The following RPTOR variants were observed in gnomAD, a reference collection of about 807,000 sequenced individuals.
The protein encoded by RPTOR is regulatory-associated protein of mTOR.
Under a neutral mutation model 169.9 loss-of-function variants are expected in RPTOR, and 21 were observed. That is an observed-to-expected ratio of 0.12 (90% CI 0.09 to 0.18). The LOEUF (loss-of-function observed/expected upper bound fraction) is 0.18, where lower values mean the gene tolerates loss of function less well. Among genes scored for constraint, RPTOR ranks in the 10% least tolerant of loss-of-function variants. The pLI is 1.00. For missense variants in RPTOR, 1,133 were observed against 1,855.9 expected (o/e 0.61, Z 7.16); for synonymous variants, 732 against 753.2 (o/e 0.97, Z 0.46).
chr17:80,744,432 G>A (rs1359042212), intron 5 of RPTOR, among the ~76,000 whole-genome samples: 1 of 99,696 alleles, frequency 1.0e-5, no homozygotes, highest in Non-Finnish European at 2.1e-5. Flanking sequence ...TACTAGCACA[G>A]CCCTGGCTAC....
chr17:80,820,261 G>A lies in RPTOR; in HGVS notation c.891-1940G>A, dbSNP rs185582494. On this transcript the variant is annotated intron_variant, in intron 7 of 33. Coordinates refer to ENST00000306801, the MANE Select transcript of RPTOR (RefSeq NM_020761.3). The surrounding 1 kb of genome is among the most constrained non-coding windows in gnomAD (Gnocchi z 4.1). ...AGCTTGAAAGAGGCGGTGTTTTTGC[G>A]GAACAGTTATTGACGATCTTGTCAG... Among the ~76,000 whole-genome samples, 197 of 152,020 alleles carry A rather than the reference G, an allele frequency of 1.3e-3. No individual in the cohort carries two copies. Among genetic ancestry groups the A allele is most frequent in the African/African-American group, 4.4e-3 (184 of 41,448 alleles).
At chr17:80,906,709 G>A (rs563878402) in intron 20 of RPTOR, among the ~76,000 whole-genome samples, 7 of 152,168 alleles carry the variant, frequency 4.6e-5, no homozygotes, top group East Asian at 1.9e-4. Flanking sequence ...CATGATTCAC[G>A]CCAGCACAGG....
chr17:80,945,101 C>T (rs1033719168), intron 25 of RPTOR, among the ~76,000 whole-genome samples: 1 of 151,378 alleles, frequency 6.6e-6, no homozygotes, highest in Non-Finnish European at 1.5e-5. Context: ...TGAGACTACC[C>T]CGGGCAACAC....
At chr17:80,772,915 G>A (rs1304945384) in intron 6 of RPTOR, among the ~76,000 whole-genome samples, 1 of 152,190 alleles carries the variant, frequency 6.6e-6, no homozygotes, top group Non-Finnish European at 1.5e-5. Context: ...TACAGGGGCA[G>A]AGCCAGGGCT....
chr17:80,827,028 G>A (rs542316012), intron 9 of RPTOR, among the ~76,000 whole-genome samples: 3 of 152,352 alleles, frequency 2.0e-5, no homozygotes, highest in Admixed American at 6.5e-5. Flanking sequence ...AGGAAGAGGC[G>A]AGCAGGAGTG....
At chr17:80,565,111 G>A (rs761558330) in intron 1 of RPTOR, among the ~76,000 whole-genome samples, 1 of 152,182 alleles carries the variant, frequency 6.6e-6, no homozygotes, top group Admixed American at 6.5e-5. Context: ...ATGGTAGAAG[G>A]ATTTCTAGCT....
chr17:80,696,148 G>C (rs2066034476), intron 3 of RPTOR, among the ~76,000 whole-genome samples: 1 of 152,080 alleles, frequency 6.6e-6, no homozygotes, highest in African/African-American at 2.4e-5. Context: ...AAAGACTCAG[G>C]GTTCCATTTA....
chr17:80,964,546 G>A lies in RPTOR; in HGVS notation c.*216G>A, dbSNP rs1375046984. The A allele has an allele frequency of 1.7e-6, 1 of 591,090 alleles. No individual in the cohort carries two copies. Among genetic ancestry groups the A allele is most frequent in the Non-Finnish European group, 3.0e-6 (1 of 329,916 alleles). 36.6% of individuals were successfully genotyped at this position (591,090 alleles called of 1,614,324 possible). On this transcript the variant is annotated 3_prime_UTR_variant, in exon 34 of 34. Transcript: ENST00000306801. ...GGGAAGGGGAGGGCTCGGGTTGACG[G>A]TGGCTTCCCACTGAGCACCAGCATC...
chr17:80,694,630 G>A (rs11869453), intron 3 of RPTOR, among the ~76,000 whole-genome samples: 34,984 of 152,124 alleles, frequency 0.23, 4,105 homozygotes, highest in East Asian at 0.33. Context: ...GGAGTGTCTG[G>A]GAACCTGCAG....
chr17:80,616,665 G>A (rs1324695511), intron 1 of RPTOR, among the ~76,000 whole-genome samples: 1 of 152,182 alleles, frequency 6.6e-6, no homozygotes, highest in African/African-American at 2.4e-5. Flanking sequence ...GCGCATGCCT[G>A]TAGTCTGAGC....
intron 4 of RPTOR, among the ~76,000 whole-genome samples, chr17:80,719,666 G>A (rs1011020189): frequency 6.6e-6 from 1 of 152,150 alleles, no homozygotes; most frequent in African/African-American, 2.4e-5. Context: ...CTCCTGAAGG[G>A]GGTTCTTGAA....
chr17:80,940,878 G>A (rs753108063), intron 25 of RPTOR, among the ~76,000 whole-genome samples: 1 of 152,210 alleles, frequency 6.6e-6, no homozygotes, highest in Non-Finnish European at 1.5e-5. Flanking sequence ...GCTCTCCCGG[G>A]ACCCTGCCTC....
At chr17:80,812,100 G>A (rs753327890) in intron 7 of RPTOR, among the ~76,000 whole-genome samples, 2 of 152,258 alleles carry the variant, frequency 1.3e-5, no homozygotes, top group Non-Finnish European at 2.9e-5. Context: ...ACAGGCATGA[G>A]CCACTGTGCC....
At chr17:80,585,324 C>G (rs189373881) in intron 1 of RPTOR, among the ~76,000 whole-genome samples, 41 of 152,042 alleles carry the variant, frequency 2.7e-4, no homozygotes, top group Middle Eastern at 3.4e-3. Context: ...CCTGCCTCAG[C>G]CTCCTGAGTA....
intron 1 of RPTOR, among the ~76,000 whole-genome samples, chr17:80,589,718 A>G (rs897880591): frequency 2.6e-5 from 4 of 152,146 alleles, no homozygotes. Flanking sequence ...GTTCTGGTGC[A>G]TAGGAATGCA....
rs376122125 is a variant in RPTOR at position 80,798,577 on chromosome 17, A to G, written c.890+7068A>G. On this transcript the variant is annotated intron_variant, in intron 7 of 33. Coordinates refer to ENST00000306801, the MANE Select transcript of RPTOR (RefSeq NM_020761.3). ...TGACCCCTGCTCCAGAGTCAGCAGGATGGCGCTCCTCCAACACCACTCCTC... is the reference window on the plus strand; with the variant it reads ...TGACCCCTGCTCCAGAGTCAGCAGGGTGGCGCTCCTCCAACACCACTCCTC... 2.0e-5 allele frequency among the ~76,000 whole-genome samples: 3 copies of G among 151,890 alleles called. No homozygotes were observed. In the East Asian group the frequency reaches 5.9e-4, roughly 30 times the overall value.
chr17:80,639,238 C>T (rs558742994), intron 2 of RPTOR, among the ~76,000 whole-genome samples: 49 of 150,774 alleles, frequency 3.2e-4, no homozygotes, highest in Non-Finnish European at 6.3e-4. Flanking sequence ...GAAAACCACA[C>T]AGAGAAATTT....
At chr17:80,842,636 C>A (rs2067683820) in intron 10 of RPTOR, among the ~76,000 whole-genome samples, 1 of 152,202 alleles carries the variant, frequency 6.6e-6, no homozygotes, top group African/African-American at 2.4e-5. Context: ...CGTGTATTTA[C>A]CCGATGGTTA....
At chr17:80,740,256 G>T (rs552728957) in intron 5 of RPTOR, among the ~76,000 whole-genome samples, 8 of 152,316 alleles carry the variant, frequency 5.3e-5, no homozygotes, top group African/African-American at 1.9e-4. Flanking sequence ...AATCATGAAA[G>T]AAATTGAATT....
Sources: gnomAD v4.1 joint callset for allele counts (sites outside exome capture counted in the v4.1 genomes callset) on GRCh38, gnomAD v4.1.1 for gene constraint, Gnocchi (gnomAD v3.1) non-coding constraint, MANE v1.5 for transcripts, NCBI Gene and HGNC (gene_info 2026-07-23, HGNC 2026-07-21) for gene names.